The following NUP155 variants were observed in gnomAD, a reference collection of about 807,000 sequenced individuals.
NUP155 encodes the protein nucleoporin 155, also known as nuclear pore complex protein Nup155.
A neutral mutation model predicts 180.4 loss-of-function variants in NUP155; 71 were observed. The observed-to-expected ratio is 0.39, with a 90% CI of 0.33 to 0.48. The LOEUF (loss-of-function observed/expected upper bound fraction) is 0.48, where lower values mean the gene tolerates loss of function less well. NUP155 is among the 20% of genes least tolerant of loss of function. NUP155 has a pLI of 0.91. For missense variants in NUP155, 1,553 were observed against 1,648.9 expected (o/e 0.94, Z 1.01); for synonymous variants, 582 against 559.5 (o/e 1.04, Z -0.57).
At chr5:37,304,718 C>T in intron 27 of NUP155, 21 bp downstream of exon 27, 1 of 1,467,710 alleles carries the variant, frequency 6.8e-7, no homozygotes. Flanking sequence ...ATTAACACAA[C>T]TGCAATAAAA....
chr5:37,304,904 C>A (rs925109892), intron 26 of NUP155, 61 bp from the exon 27 acceptor site: 3 of 1,512,886 alleles, frequency 2.0e-6, no homozygotes, highest in Non-Finnish European at 2.8e-6. Flanking sequence ...GCATCACAAC[C>A]CTTTAGCCCT....
Position 37,302,722 on chromosome 5 carries a change from G to C in NUP155, c.3447+57C>G, listed in dbSNP as rs994315689. Reference sequence around the variant, plus strand: ...CTTACCAAGGGAAGAATGGAATGTGGAATAACTATGTGGCTAGTACTCAAT... The same window carrying C: ...CTTACCAAGGGAAGAATGGAATGTGCAATAACTATGTGGCTAGTACTCAAT... On this transcript the variant is annotated intron_variant, in intron 29 of 34. Coordinates refer to ENST00000231498, the MANE Select transcript of NUP155 (RefSeq NM_153485.3). The C allele has an allele frequency of 1.9e-6, 3 of 1,577,364 alleles. No homozygotes were observed. The African/African-American group carries it at 4.0e-5, about 21-fold the overall frequency.
chr5:37,300,215 TAC>T (rs112076088), intron 30 of NUP155, among the ~76,000 whole-genome samples: 2,032 of 152,332 alleles, frequency 0.013, 42 homozygotes, highest in African/African-American at 0.046. Flanking sequence ...GATGTTCTGA[TAC>T]AGTCATGCAA....
chr5:37,319,838 T>G (rs1006763561), intron 20 of NUP155, among the ~76,000 whole-genome samples: 2 of 151,968 alleles, frequency 1.3e-5, no homozygotes, highest in African/African-American at 4.8e-5. Context: ...GCCACTGCAC[T>G]CCGGCCTGGG....
intron 20 of NUP155, among the ~76,000 whole-genome samples, chr5:37,322,323 G>A (rs1042952692): frequency 6.6e-6 from 1 of 152,074 alleles, no homozygotes; most frequent in African/African-American, 2.4e-5. Context: ...GTAATACCTC[G>A]TTAACAATTC....
At chr5:37,329,586 T>C (rs1480464709) in intron 15 of NUP155, among the ~76,000 whole-genome samples, 1 of 152,234 alleles carries the variant, frequency 6.6e-6, no homozygotes, top group Non-Finnish European at 1.5e-5. Flanking sequence ...AGGTTATGGT[T>C]AGATAGTACT....
intron 1 of NUP155, among the ~76,000 whole-genome samples, chr5:37,367,696 CTAAT>C (rs1747689133): frequency 6.6e-6 from 1 of 152,026 alleles, no homozygotes; most frequent in East Asian, 1.9e-4. Context: ...CCACGCCCGG[CTAAT>C]TATTTTGTAT....
At chr5:37,370,088 TG>T (rs1467640766) in intron 1 of NUP155, among the ~76,000 whole-genome samples, 1 of 152,210 alleles carries the variant, frequency 6.6e-6, no homozygotes, top group Non-Finnish European at 1.5e-5. Flanking sequence ...AAGCGTTTCT[TG>T]GCCGGGTGCA....
Position 37,338,960 on chromosome 5 carries a change from T to C in NUP155, c.1247-1042A>G, listed in dbSNP as rs559751675. 3.0e-4 allele frequency among the ~76,000 whole-genome samples: 46 copies of C among 152,252 alleles called. 2 individuals are homozygous for C. The South Asian group carries it at 7.7e-3, about 25-fold the overall frequency. ...AATGCCATGACTGACAAATTCACAA[T>C]GTAATACAAGCTAATATTCAATGAA... On this transcript the variant is annotated intron_variant, in intron 11 of 34. Coordinates refer to ENST00000231498, the MANE Select transcript of NUP155 (RefSeq NM_153485.3).
At position 37,330,116 on chromosome 5, in the gene NUP155, G is replaced by A. The variant is rs1744861302; in HGVS notation, c.1646C>T (p.Ala549Val). The change falls in exon 15 of 35, where the codon GCA becomes GTA. Residue 549 changes from alanine (A) to valine (V), a missense_variant. Coordinates refer to ENST00000231498, the MANE Select transcript of NUP155 (RefSeq NM_153485.3). ...GGAGCAAGCAAGAATAAGGCAAGTT[G>A]CACAAGCCTGGTCTTCCTGTGTAAA... ...FKLHQEDQAC[A>V]TCLILACSTA... 6.2e-7 allele frequency: 1 copy of A among 1,612,140 alleles called. No individual in the cohort carries two copies. Among genetic ancestry groups the A allele is most frequent in the Non-Finnish European group, 8.5e-7 (1 of 1,178,898 alleles).
chr5:37,347,644 C>T (rs573641368), intron 9 of NUP155, among the ~76,000 whole-genome samples: 2 of 143,808 alleles, frequency 1.4e-5, no homozygotes, highest in African/African-American at 5.3e-5. Context: ...TGCAGTGAGC[C>T]GAGACTGCAC....
At chr5:37,334,024 C>A (rs912297602) in intron 12 of NUP155, among the ~76,000 whole-genome samples, 2 of 151,694 alleles carry the variant, frequency 1.3e-5, no homozygotes, top group Non-Finnish European at 2.9e-5. Context: ...TGGTCTTGAA[C>A]TCTCGACCTC....
At chr5:37,307,765 T>C (rs1461251510) in intron 24 of NUP155, among the ~76,000 whole-genome samples, 1 of 151,540 alleles carries the variant, frequency 6.6e-6, no homozygotes, top group East Asian at 1.9e-4. Flanking sequence ...CTACTAAAAA[T>C]ACAAAAATTA....
intron 4 of NUP155, among the ~76,000 whole-genome samples, chr5:37,356,090 G>A (rs10461980): frequency 0.17 from 26,195 of 151,440 alleles, 2,652 homozygotes; most frequent in East Asian, 0.3. Flanking sequence ...TTAGCCAAGC[G>A]TGGTGGTGCA....
intron 12 of NUP155, among the ~76,000 whole-genome samples, chr5:37,336,099 A>G (rs935883562): frequency 2.6e-4 from 39 of 152,280 alleles, no homozygotes; most frequent in African/African-American, 9.4e-4. Flanking sequence ...ATACTTGATG[A>G]GTTTTTTTGT....
At chr5:37,350,125 A>C (rs1209377559) in intron 7 of NUP155, 35 bp downstream of exon 7, 1 of 1,372,294 alleles carries the variant, frequency 7.3e-7, no homozygotes, top group Non-Finnish European at 1.0e-6. Flanking sequence ...GTTAGAAATT[A>C]GTTGTACTTG....
chr5:37,316,407 G>A (rs1022531340), intron 21 of NUP155, among the ~76,000 whole-genome samples: 4 of 152,116 alleles, frequency 2.6e-5, no homozygotes, highest in Non-Finnish European at 5.9e-5. Context: ...GGTTGCCAGG[G>A]ACCTAGGATA....
intron 3 of NUP155, among the ~76,000 whole-genome samples, chr5:37,361,057 C>A (rs1203986606): frequency 1.3e-5 from 2 of 151,814 alleles, no homozygotes; most frequent in Non-Finnish European, 2.9e-5. Context: ...TCACTGGAGG[C>A]CAGGAGTTCA....
At chr5:37,358,279 G>T in intron 3 of NUP155, 128 bp from the exon 4 acceptor site, 1 of 723,824 alleles carries the variant, frequency 1.4e-6, no homozygotes, top group South Asian at 1.4e-5. Flanking sequence ...AGAAGTTCAA[G>T]ACCAGCCTGG....
Sources: gnomAD v4.1 joint callset for allele counts (sites outside exome capture counted in the v4.1 genomes callset) on GRCh38, gnomAD v4.1.1 for gene constraint, MANE v1.5 for transcripts, NCBI Gene and HGNC (gene_info 2026-07-23, HGNC 2026-07-21) for gene names.